Variants in RAB10 observed in about 807,000 individuals in gnomAD.
RAB10 encodes the protein RAB10, member RAS oncogene family, also known as ras-related protein Rab-10.
RAB10 carries 5 observed loss-of-function variants against 25.7 expected under a neutral mutation model. The observed-to-expected ratio is 0.19, with a 90% confidence interval of 0.10 to 0.41. The LOEUF is 0.41. Ranked by LOEUF, RAB10 falls within the 10% of genes least tolerant of loss-of-function variation. The pLI is 1.00. For missense variants in RAB10, 103 were observed against 245.8 expected (o/e 0.42, Z 3.89); for synonymous variants, 89 against 86.4 (o/e 1.03, Z -0.16).
chr2:26,091,969 C>T (rs1005238023), intron 1 of RAB10, among the ~76,000 whole-genome samples: 1 of 151,924 alleles, frequency 6.6e-6, no homozygotes, highest in Non-Finnish European at 1.5e-5. Flanking sequence ...GTCAGGAGTT[C>T]GAGACCAGCC....
At chr2:26,127,816 A>G (rs1338213567) in intron 4 of RAB10, 34 bp from the exon 5 acceptor site, 1 of 1,501,130 alleles carries the variant, frequency 6.7e-7, no homozygotes, top group African/African-American at 1.4e-5. Context: ...CCCATGCTTG[A>G]TAATTTTATG....
intron 5 of RAB10, among the ~76,000 whole-genome samples, chr2:26,128,287 T>A (rs1472434777): frequency 1.3e-5 from 2 of 152,206 alleles, no homozygotes; most frequent in African/African-American, 4.8e-5. Flanking sequence ...ACTGATCTGA[T>A]GGGAGGCGGA....
chr2:26,071,058 A>T (rs1239267744), intron 1 of RAB10, among the ~76,000 whole-genome samples: 1 of 152,230 alleles, frequency 6.6e-6, no homozygotes, highest in African/African-American at 2.4e-5. Context: ...ATGTACTCAC[A>T]AGAGAAAACT....
intron 1 of RAB10, among the ~76,000 whole-genome samples, chr2:26,048,243 G>T (rs1005661423): frequency 6.6e-6 from 1 of 152,088 alleles, no homozygotes; most frequent in African/African-American, 2.4e-5. Context: ...CAATTGTTGG[G>T]TCACATAGTA....
chr2:26,086,561 G>T (rs1666992233), intron 1 of RAB10, among the ~76,000 whole-genome samples: 1 of 152,146 alleles, frequency 6.6e-6, no homozygotes, highest in Admixed American at 6.5e-5. Context: ...TTAAACTAAG[G>T]TTTCCCATGT....
chr2:26,129,548 TATA>T (rs1667972051), intron 5 of RAB10, among the ~76,000 whole-genome samples: 1 of 152,158 alleles, frequency 6.6e-6, no homozygotes, highest in Non-Finnish European at 1.5e-5. Context: ...TCTGAGCAAT[TATA>T]AGAGATTGAG....
chr2:26,107,779 A>G (rs1667495100), intron 2 of RAB10, among the ~76,000 whole-genome samples: 2 of 151,934 alleles, frequency 1.3e-5, no homozygotes, highest in South Asian at 4.1e-4. Flanking sequence ...CTGGGCGGCA[A>G]GATCGAAACT....
At chr2:26,113,777 G>GC (rs1667629716) in intron 3 of RAB10, among the ~76,000 whole-genome samples, 1 of 146,724 alleles carries the variant, frequency 6.8e-6, no homozygotes, top group African/African-American at 2.5e-5. Flanking sequence ...AAGAAAAAAA[G>GC]CCATCCAGAG....
chr2:26,085,890 T>G (rs1280333894), intron 1 of RAB10, among the ~76,000 whole-genome samples: 1 of 150,102 alleles, frequency 6.7e-6, no homozygotes, highest in Non-Finnish European at 1.5e-5. Flanking sequence ...TCCCAGCTAC[T>G]TGGGAGGCTG....
intron 1 of RAB10, among the ~76,000 whole-genome samples, chr2:26,056,474 G>C (rs1666270054): frequency 6.6e-6 from 1 of 152,154 alleles, no homozygotes; most frequent in African/African-American, 2.4e-5. Context: ...TGGGATTACA[G>C]GTGTGAGTCA....
At chr2:26,092,261 CTGTGTGTGTGTGTGTGTGTG>C (rs56875863) in intron 1 of RAB10, among the ~76,000 whole-genome samples, 50,413 of 130,712 alleles carry the variant, frequency 0.39, 10,036 homozygotes, top group Non-Finnish European at 0.43. Flanking sequence ...ATAGTGAGAG[CTGTGTGTGTGTGTGTGTGTG>C]TGTGTGTGTG....
chr2:26,132,070 AC>A (rs1412645247), intron 5 of RAB10, among the ~76,000 whole-genome samples: 1 of 152,224 alleles, frequency 6.6e-6, no homozygotes, highest in Non-Finnish European at 1.5e-5. Flanking sequence ...TTTGATAAAT[AC>A]AGCCAAAGTC....
At chr2:26,109,670 T>C in intron 2 of RAB10, 98 bp from the exon 3 acceptor site, 1 of 1,245,334 alleles carries the variant, frequency 8.0e-7, no homozygotes, top group Non-Finnish European at 1.0e-6. Context: ...CTAAAAAGTT[T>C]TTATATATAC....
intron 3 of RAB10, among the ~76,000 whole-genome samples, chr2:26,121,858 G>C (rs1387342258): frequency 6.6e-6 from 1 of 152,118 alleles, no homozygotes; most frequent in African/African-American, 2.4e-5. Flanking sequence ...TGCTATTTTG[G>C]TGAGCTCGTA....
At chr2:26,080,355 C>T (rs148818250) in intron 1 of RAB10, among the ~76,000 whole-genome samples, 27 of 152,126 alleles carry the variant, frequency 1.8e-4, no homozygotes, top group African/African-American at 6.3e-4. Context: ...AAAATTGTTG[C>T]GGCAGGAGCC....
intron 1 of RAB10, among the ~76,000 whole-genome samples, chr2:26,065,053 C>T (rs887203314): frequency 1.3e-5 from 2 of 152,170 alleles, no homozygotes; most frequent in Admixed American, 1.3e-4. Flanking sequence ...CAGAGCAAGA[C>T]GCTGGCTCTT....
chr2:26,108,887 T>G (rs1021501835), intron 2 of RAB10, among the ~76,000 whole-genome samples: 1 of 39,220 alleles, frequency 2.5e-5, no homozygotes, highest in Non-Finnish European at 7.0e-5. Context: ...TTATATTTAT[T>G]TATTTATTTA....
chr2:26,060,080 T>A (rs1378018213), intron 1 of RAB10, among the ~76,000 whole-genome samples: 1 of 152,202 alleles, frequency 6.6e-6, no homozygotes, highest in African/African-American at 2.4e-5. Context: ...GCCAGTCTTT[T>A]AAAATCCTCC....
At position 26,113,198 on chromosome 2, in the gene RAB10, C is replaced by T. The variant is rs537514870; in HGVS notation, c.327+3292C>T. 5.3e-5 allele frequency among the ~76,000 whole-genome samples: 8 copies of T among 152,188 alleles called. No individual in the cohort carries two copies. The South Asian group carries it at 1.5e-3, about 28-fold the overall frequency. ...GTCAGAACCTGTCAATGTAATACAC[C>T]ATATTAATAGACGACAAAACCATAC... On this transcript the variant is annotated intron_variant, in intron 3 of 5. Coordinates refer to ENST00000264710, the MANE Select transcript of RAB10 (RefSeq NM_016131.5).
Sources: gnomAD v4.1 joint callset for allele counts (sites outside exome capture counted in the v4.1 genomes callset) on GRCh38, gnomAD v4.1.1 for gene constraint, MANE v1.5 for transcripts, NCBI Gene and HGNC (gene_info 2026-07-23, HGNC 2026-07-21) for gene names.